CD2AP: variants seen among roughly 807,000 people sequenced by gnomAD.
CD2AP encodes CD2 associated protein.
CD2AP carries 46 observed loss-of-function variants against 85.1 expected under a neutral mutation model. The observed-to-expected ratio is 0.54, with a 90% CI of 0.43 to 0.69. The LOEUF (loss-of-function observed/expected upper bound fraction) is 0.69, where lower values mean the gene tolerates loss of function less well. Among genes scored for constraint, CD2AP ranks in the 30% least tolerant of loss-of-function variants. The pLI, the probability that CD2AP is intolerant of heterozygous loss-of-function variation, is 0.00. For synonymous variants in CD2AP, 255 were observed against 252.9 expected, an observed-to-expected ratio of 1.01 and a Z score of -0.08; for missense variants, 769 against 729.5, an observed-to-expected ratio of 1.05 and a Z score of -0.62.
intron 17 of CD2AP, among the ~76,000 whole-genome samples, chr6:47,612,832 CAGA>C (rs1292205895): frequency 6.6e-6 from 1 of 152,084 alleles, no homozygotes; most frequent in East Asian, 1.9e-4. Context: ...AGATAGAGAA[CAGA>C]AGGATGGATA....
At chr6:47,527,681 T>C (rs1426711748) in intron 2 of CD2AP, among the ~76,000 whole-genome samples, 1 of 152,202 alleles carries the variant, frequency 6.6e-6, no homozygotes, top group Non-Finnish European at 1.5e-5. Flanking sequence ...AGTAACTATG[T>C]TGTCAGCTGT....
In CD2AP at chr6:47,478,175, C is replaced by T; in HGVS notation, c.-70C>T. ...GTCCCGCCTCCAGCCGCGGGAGCGG[C>T]CGCGCGAGCCACCACTGGAGGAGGA... On this transcript the variant is annotated 5_prime_UTR_variant, in exon 1 of 18. Transcript: ENST00000359314. 1.9e-6 allele frequency: 3 copies of T among 1,546,446 alleles called. No homozygotes were observed. The highest frequency in any genetic ancestry group is 2.6e-6 in the Non-Finnish European group (3 of 1,144,090).
intron 1 of CD2AP, among the ~76,000 whole-genome samples, chr6:47,481,533 A>T (rs1050718865): frequency 6.6e-6 from 1 of 152,072 alleles, no homozygotes; most frequent in Non-Finnish European, 1.5e-5. Flanking sequence ...TTTAGTAGAG[A>T]CAGGGTTTCA....
At chr6:47,508,551 T>G (rs1395317947) in intron 2 of CD2AP, among the ~76,000 whole-genome samples, 4 of 148,170 alleles carry the variant, frequency 2.7e-5, no homozygotes, top group African/African-American at 5.0e-5. Context: ...TTTTTGTTTT[T>G]TTTTTTTTTT....
At position 47,624,551 on chromosome 6, in the gene CD2AP, G is replaced by T. The variant is rs924828714; in HGVS notation, c.*324G>T. The T allele has an allele frequency of 7.1e-6, 2 of 280,160 alleles. No individual in the cohort carries two copies. The highest frequency in any genetic ancestry group is 1.2e-3 in the Middle Eastern group (1 of 848). The allele number at this position is 280,160 out of a possible 1,614,324, so 17.4% of individuals were successfully genotyped here. On this transcript the variant is annotated 3_prime_UTR_variant, in exon 18 of 18. Coordinates refer to ENST00000359314, the MANE Select transcript of CD2AP (RefSeq NM_012120.3). ...TTGAAACTTGTATTATTTTTAAAGA[G>T]ATCTATACTATAAATATGGTGATAT...
chr6:47,526,235 T>G (rs1210628896), intron 2 of CD2AP, among the ~76,000 whole-genome samples: 2 of 151,548 alleles, frequency 1.3e-5, no homozygotes. Flanking sequence ...GGGAAAAGAG[T>G]AGATTGGTGA....
chr6:47,529,413 T>C (rs997073370), intron 2 of CD2AP, among the ~76,000 whole-genome samples: 1 of 152,142 alleles, frequency 6.6e-6, no homozygotes, highest in African/African-American at 2.4e-5. Flanking sequence ...TTGAGGTTCA[T>C]TGGTGTATCT....
At chr6:47,504,089 C>G (rs1442427259) in intron 2 of CD2AP, among the ~76,000 whole-genome samples, 1 of 152,214 alleles carries the variant, frequency 6.6e-6, no homozygotes, top group African/African-American at 2.4e-5. Context: ...AGAAAACAAT[C>G]TTTAGGGCTC....
intron 9 of CD2AP, 79 bp downstream of exon 9, chr6:47,579,568 A>T (rs868579791): frequency 1.2e-6 from 1 of 868,430 alleles, no homozygotes; most frequent in South Asian, 1.4e-5. Context: ...GTTTTTTTGC[A>T]TTATTATTGA....
Position 47,533,672 on chromosome 6 carries a change from C to T in CD2AP, c.236C>T (p.Ala79Val). 1 of 1,614,052 alleles carries T rather than the reference C, an allele frequency of 6.2e-7. No homozygotes were observed. The highest frequency in any genetic ancestry group is 8.5e-7 in the Non-Finnish European group (1 of 1,179,960). The stretch of plus-strand genomic sequence containing the variant: ...AAACGGGAAAGGCATGGGAATGTAG[C>T]AAGTCTTGTACAACGAATAAGCACC... ...PIKRERHGNVASLVQRISTYG... is the reference protein window; with the variant it reads ...PIKRERHGNVVSLVQRISTYG... Residue 79 changes from alanine (A) to valine (V), a missense_variant, in exon 3 of 18, where the codon GCA becomes GTA. Physicochemically the swap from Ala to Val is moderately conservative, Grantham distance 64 (BLOSUM62 0). Transcript: ENST00000359314.
chr6:47,604,640 A>G (rs1769223069), intron 13 of CD2AP, among the ~76,000 whole-genome samples: 1 of 152,030 alleles, frequency 6.6e-6, no homozygotes, highest in Admixed American at 6.6e-5. Context: ...TCAAATTACG[A>G]CATATTTTAA....
chr6:47,503,168 G>A (rs2113981109), intron 1 of CD2AP, 112 bp from the exon 2 acceptor site: 3 of 1,017,348 alleles, frequency 2.9e-6, no homozygotes, highest in South Asian at 2.9e-5. Flanking sequence ...TGATGTCTTT[G>A]TGGTATTAAA....
chr6:47,530,551 G>A (rs9369709), intron 2 of CD2AP, among the ~76,000 whole-genome samples: 131,952 of 152,216 alleles, frequency 0.87, 57,596 homozygotes, highest in Non-Finnish European at 0.92. Context: ...GCTGAGTAGT[G>A]TTCCATTGTT....
intron 2 of CD2AP, among the ~76,000 whole-genome samples, chr6:47,518,989 C>G (rs1202826840): frequency 6.6e-6 from 1 of 152,130 alleles, no homozygotes; most frequent in Non-Finnish European, 1.5e-5. Context: ...TTGTTTTATT[C>G]TTATCTATTT....
At chr6:47,579,306 G>C (rs1489142252) in intron 8 of CD2AP, 79 bp from the exon 9 acceptor site, 1 of 861,672 alleles carries the variant, frequency 1.2e-6, no homozygotes, top group Non-Finnish European at 1.9e-6. Flanking sequence ...CTGCACTTCA[G>C]CCTGGCCAAC....
chr6:47,573,981 A>G (rs1768229512), intron 5 of CD2AP, 83 bp from the exon 6 acceptor site: 10 of 1,151,856 alleles, frequency 8.7e-6, no homozygotes, highest in Non-Finnish European at 9.2e-6. Flanking sequence ...ATTAGAAGGC[A>G]TATAGAATGT....
intron 2 of CD2AP, among the ~76,000 whole-genome samples, chr6:47,532,028 G>A (rs539971954): frequency 1.7e-4 from 26 of 151,528 alleles, no homozygotes; most frequent in Non-Finnish European, 3.4e-4. Flanking sequence ...ACCAGAGATC[G>A]CGCTCAGTGC....
chr6:47,505,896 G>T (rs1387372060), intron 2 of CD2AP, among the ~76,000 whole-genome samples: 1 of 117,186 alleles, frequency 8.5e-6, no homozygotes. Flanking sequence ...GCCGGGCGGG[G>T]GGCTGACCCC....
At chr6:47,592,134 C>G (rs1408034032) in intron 11 of CD2AP, among the ~76,000 whole-genome samples, 1 of 152,192 alleles carries the variant, frequency 6.6e-6, no homozygotes, top group Non-Finnish European at 1.5e-5. Flanking sequence ...CTGCACCCAG[C>G]CTGTGTCTTA....
Sources: gnomAD v4.1 joint callset for allele counts (sites outside exome capture counted in the v4.1 genomes callset) on GRCh38, gnomAD v4.1.1 for gene constraint, MANE v1.5 for transcripts, NCBI Gene and HGNC (gene_info 2026-07-23, HGNC 2026-07-21) for gene names.